Variants in EGFR observed in about 807,000 individuals in gnomAD.
The protein encoded by EGFR is epidermal growth factor receptor.
A neutral mutation model predicts 143.0 loss-of-function variants in EGFR; 58 were observed. The ratio of observed to expected loss-of-function variants is 0.41; its 90% CI spans 0.33 to 0.50. EGFR has a LOEUF of 0.50. Ranked by LOEUF, EGFR falls within the 20% of genes least tolerant of loss-of-function variation. The pLI, the probability that EGFR is intolerant of heterozygous loss-of-function variation, is 0.39. For missense variants in EGFR, 1,307 were observed against 1,579.0 expected, an observed-to-expected ratio of 0.83 and a Z score of 2.92; for synonymous variants, 613 against 594.4, an observed-to-expected ratio of 1.03 and a Z score of -0.45.
At chr7:55,198,469 G>C (rs750030094) in intron 22 of EGFR, among the ~76,000 whole-genome samples, 1 of 152,158 alleles carries the variant, frequency 6.6e-6, no homozygotes, top group Non-Finnish European at 1.5e-5. Context: ...GCTGGGCATT[G>C]CACTAAGCAT....
Position 55,143,444 on chromosome 7 carries a change from C to T in EGFR, c.380C>T (p.Ala127Val), listed in dbSNP as rs1485906237. The T allele has an allele frequency of 1.2e-6, 2 of 1,614,200 alleles. No homozygotes were observed. Among genetic ancestry groups the T allele is most frequent in the Admixed American group, 3.3e-5 (2 of 60,032 alleles). Reference protein sequence around the residue: ...YALAVLSNYDANKTGLKELPM... With the variant: ...YALAVLSNYDVNKTGLKELPM... ...TTAGCAGTCTTATCTAACTATGATG[C>T]AAATAAAACCGGACTGAAGGAGCTG... The change falls in exon 3 of 28, where the codon GCA becomes GTA. Residue 127 changes from alanine (A) to valine (V), a missense_variant. By Grantham distance (64) the Ala-to-Val change is moderately conservative. Coordinates refer to ENST00000275493, the MANE Select transcript of EGFR (RefSeq NM_005228.5).
chr7:55,165,402 T>C lies in EGFR; in HGVS notation c.1845T>C (p.His615=), dbSNP rs2128946461. 6.2e-7 allele frequency: 1 copy of C among 1,614,128 alleles called. No individual in the cohort carries two copies. Among genetic ancestry groups the C allele is most frequent in the African/African-American group, 1.3e-5 (1 of 75,054 alleles). Residue 615 remains histidine (H), a synonymous_variant, in exon 15 of 28, where the codon CAT becomes CAC. Coordinates refer to ENST00000275493, the MANE Select transcript of EGFR (RefSeq NM_005228.5). ...TCTGGAAGTACGCAGACGCCGGCCA[T>C]GTGTGCCACCTGTGCCATCCAAACT... ...TLVWKYADAG[H]VCHLCHPNCT... is the part of the protein sequence containing the mutation.
intron 19 of EGFR, among the ~76,000 whole-genome samples, chr7:55,176,119 A>C (rs1401505447): frequency 6.6e-6 from 1 of 152,322 alleles, no homozygotes; most frequent in African/African-American, 2.4e-5. Flanking sequence ...CTGGCCCCTC[A>C]CCTGTGCTGT....
At chr7:55,132,737 TG>T (rs1793925573) in intron 1 of EGFR, among the ~76,000 whole-genome samples, 1 of 152,226 alleles carries the variant, frequency 6.6e-6, no homozygotes, top group Non-Finnish European at 1.5e-5. Context: ...GACTGTTTCA[TG>T]TGTAAAGTTG....
chr7:55,083,436 G>T (rs545800127), intron 1 of EGFR, among the ~76,000 whole-genome samples: 1 of 152,210 alleles, frequency 6.6e-6, no homozygotes, highest in South Asian at 2.1e-4. Context: ...ATCCAGGACT[G>T]TAACAGACGC....
Position 55,202,159 on chromosome 7 carries a change from G to A in EGFR, c.3163-358G>A, listed in dbSNP as rs17290727. On this transcript the variant is annotated intron_variant, in intron 26 of 27. Transcript: ENST00000275493. ...CATGCAGAAACCACTAGCCACATGT[G>A]GCTACTTCAACTTAAATGTTAATGA... Among the ~76,000 whole-genome samples the A allele has an allele frequency of 3.6e-3, 549 of 152,260 alleles. 4 individuals carry two copies. Among genetic ancestry groups the A allele is most frequent in the Admixed American group, 5.4e-3 (83 of 15,302 alleles).
At chr7:55,093,557 G>C (rs1193234137) in intron 1 of EGFR, among the ~76,000 whole-genome samples, 1 of 152,160 alleles carries the variant, frequency 6.6e-6, no homozygotes, top group African/African-American at 2.4e-5. Flanking sequence ...ACCGTGATGC[G>C]CCTCAGCCCT....
At position 55,207,135 on chromosome 7, in the gene EGFR, A is replaced by G. The variant is rs971032397; in HGVS notation, c.*1518A>G. 2.5e-4 allele frequency: 58 copies of G among 232,510 alleles called. No individual in the cohort carries two copies. Among genetic ancestry groups the G allele is most frequent in the Non-Finnish European group, 6.8e-5 (8 of 117,772 alleles). The allele number at this position is 232,510 out of a possible 1,614,324, so 14.4% of individuals were successfully genotyped here. ...TTTTAAACTCTCCTAGTCAATATCC[A>G]CCCCATCCAATTTATCAAGGAAGAA... On this transcript the variant is annotated 3_prime_UTR_variant, in exon 28 of 28. Coordinates refer to ENST00000275493, the MANE Select transcript of EGFR (RefSeq NM_005228.5).
intron 1 of EGFR, among the ~76,000 whole-genome samples, chr7:55,063,952 A>G (rs1408711263): frequency 1.3e-5 from 2 of 152,072 alleles, no homozygotes; most frequent in African/African-American, 2.4e-5. Context: ...TCCACACAAA[A>G]CCCTCAGGTG....
At chr7:55,020,667 G>C (rs947192157) in intron 1 of EGFR, among the ~76,000 whole-genome samples, 4 of 151,588 alleles carry the variant, frequency 2.6e-5, no homozygotes, top group Non-Finnish European at 5.9e-5. Flanking sequence ...CGTGACTACC[G>C]ACCATAAACC....
Position 55,201,238 on chromosome 7 carries a change from T to C in EGFR, c.2997T>C (p.Arg999=), listed in dbSNP as rs759622671. 5.6e-6 allele frequency: 9 copies of C among 1,614,176 alleles called. No homozygotes were observed. Among genetic ancestry groups the C allele is most frequent in the Non-Finnish European group, 7.6e-6 (9 of 1,180,036 alleles). Residue 999 remains arginine (R), a synonymous_variant, in exon 25 of 28, where the codon CGT becomes CGC. Transcript: ENST00000275493. ...LPSPTDSNFY[R]ALMDEEDMDD... ...GTCCTACAGACTCCAACTTCTACCG[T>C]GCCCTGATGGATGAAGAAGACATGG...
chr7:55,044,718 C>A (rs1788091298), intron 1 of EGFR, among the ~76,000 whole-genome samples: 2 of 152,222 alleles, frequency 1.3e-5, no homozygotes, highest in East Asian at 3.9e-4. Flanking sequence ...TTTCCCGCCG[C>A]CCCCCGCATA....
chr7:55,071,884 A>G (rs1050794001), intron 1 of EGFR, among the ~76,000 whole-genome samples: 1 of 152,254 alleles, frequency 6.6e-6, no homozygotes, highest in Non-Finnish European at 1.5e-5. Flanking sequence ...AAGACAATTA[A>G]CACAGTTTCT....
At chr7:55,039,624 T>C (rs1162775578) in intron 1 of EGFR, among the ~76,000 whole-genome samples, 1 of 152,090 alleles carries the variant, frequency 6.6e-6, no homozygotes, top group African/African-American at 2.4e-5. Flanking sequence ...GCTTGTGGGT[T>C]TGTGATTAGA....
intron 15 of EGFR, chr7:55,170,376 T>C (rs1461941996): frequency 1.2e-6 from 2 of 1,614,190 alleles, no homozygotes; most frequent in East Asian, 2.2e-5. Context: ...ATCAAAGTAA[T>C]GATGGCAGCG....
At chr7:55,109,595 C>T (rs1028743018) in intron 1 of EGFR, 4 of 321,604 alleles carry the variant, frequency 1.2e-5, no homozygotes, top group East Asian at 1.7e-4. Context: ...AAGCCTTCCT[C>T]GCTTTCCCAT....
intron 15 of EGFR, 121 bp downstream of exon 15, chr7:55,165,558 G>GTT: frequency 7.2e-7 from 1 of 1,391,810 alleles, no homozygotes; most frequent in Admixed American, 2.4e-5. Flanking sequence ...GTTACTTAAG[G>GTT]TGTTTTGGTC....
chr7:55,037,945 T>C (rs1787689954), intron 1 of EGFR, among the ~76,000 whole-genome samples: 2 of 152,222 alleles, frequency 1.3e-5, no homozygotes, highest in Admixed American at 1.3e-4. Flanking sequence ...GCGATTCCAC[T>C]CCAGCATTTC....
intron 1 of EGFR, among the ~76,000 whole-genome samples, chr7:55,099,698 A>G (rs1168434761): frequency 6.6e-6 from 1 of 152,040 alleles, no homozygotes; most frequent in East Asian, 1.9e-4. Flanking sequence ...GCACAGGCAG[A>G]CTCCTGGGAC....
Sources: gnomAD v4.1 joint callset for allele counts (sites outside exome capture counted in the v4.1 genomes callset) on GRCh38, gnomAD v4.1.1 for gene constraint, MANE v1.5 for transcripts, NCBI Gene and HGNC (gene_info 2026-07-23, HGNC 2026-07-21) for gene names.